Variants in LRMDA observed in about 807,000 individuals in gnomAD.
The protein encoded by LRMDA is leucine rich melanocyte differentiation associated, also known as leucine-rich melanocyte differentiation-associated protein.
In LRMDA, 18 loss-of-function variants were observed where a neutral mutation model predicts 29.8. The ratio of observed to expected loss-of-function variants is 0.60; its 90% confidence interval spans 0.42 to 0.90. The LOEUF (loss-of-function observed/expected upper bound fraction) is 0.90. LRMDA is among the 40% of genes least tolerant of loss of function. LRMDA has a pLI of 0.00. For missense variants in LRMDA, 273 were observed against 273.9 expected, an observed-to-expected ratio of 1.00 and a Z score of 0.02; for synonymous variants, 125 against 109.4, an observed-to-expected ratio of 1.14 and a Z score of -0.89.
chr10:76,466,706 G>C (rs907337811), intron 6 of LRMDA, among the ~76,000 whole-genome samples: 11 of 152,122 alleles, frequency 7.2e-5, no homozygotes, highest in Non-Finnish European at 2.9e-5. Flanking sequence ...AGAGGCAAGA[G>C]AATTGAGCCT....
intron 6 of LRMDA, among the ~76,000 whole-genome samples, chr10:76,520,741 G>A (rs1843110185): frequency 6.6e-6 from 1 of 152,076 alleles, no homozygotes; most frequent in Non-Finnish European, 1.5e-5. Context: ...TCCTGCTTCA[G>A]GCCATGCACA....
At chr10:76,050,674 G>A (rs1291320957) in intron 4 of LRMDA, among the ~76,000 whole-genome samples, 4 of 152,204 alleles carry the variant, frequency 2.6e-5, no homozygotes, top group Non-Finnish European at 5.9e-5. Flanking sequence ...GACTTGGCCG[G>A]AGAGACCACC....
chr10:76,014,870 C>A (rs889210526), intron 2 of LRMDA, among the ~76,000 whole-genome samples: 3 of 152,208 alleles, frequency 2.0e-5, no homozygotes, highest in Non-Finnish European at 4.4e-5. Flanking sequence ...GAGTGGCCAA[C>A]TATTAGAAGG....
chr10:76,309,256 G>A (rs1229030896), intron 5 of LRMDA, among the ~76,000 whole-genome samples: 1 of 152,132 alleles, frequency 6.6e-6, no homozygotes, highest in Admixed American at 6.5e-5. Context: ...CTGACAGCAG[G>A]CACCTTTCTG....
At chr10:76,354,995 C>A (rs539135023) in intron 6 of LRMDA, among the ~76,000 whole-genome samples, 1 of 152,070 alleles carries the variant, frequency 6.6e-6, no homozygotes, top group Non-Finnish European at 1.5e-5. Context: ...TTCTCTGAAA[C>A]GAAATTTTCA....
chr10:76,244,648 T>C lies in LRMDA; in HGVS notation c.517-79753T>C, dbSNP rs377040576. Among the ~76,000 whole-genome samples, 6 of 152,202 alleles carry C rather than the reference T, an allele frequency of 3.9e-5. No homozygotes were observed. The East Asian group carries it at 7.7e-4, about 20-fold the overall frequency. On this transcript the variant is annotated intron_variant, in intron 5 of 6. Coordinates refer to ENST00000611255, the MANE Select transcript of LRMDA (RefSeq NM_001305581.2). Reference sequence around the variant, plus strand: ...AGGTCTCAGGGTACATTCCCAGCCATGGAGAAGAGACAACACATGGGAGGG... The same window carrying C: ...AGGTCTCAGGGTACATTCCCAGCCACGGAGAAGAGACAACACATGGGAGGG...
intron 6 of LRMDA, among the ~76,000 whole-genome samples, chr10:76,509,780 C>T (rs993884816): frequency 2.0e-5 from 3 of 152,146 alleles, no homozygotes; most frequent in Non-Finnish European, 4.4e-5. Flanking sequence ...GTAAGTACAA[C>T]ACTCAGGTCA....
intron 2 of LRMDA, among the ~76,000 whole-genome samples, chr10:75,687,908 A>AACAAAGTG (rs1213082671): frequency 1.3e-5 from 2 of 152,374 alleles, no homozygotes; most frequent in Admixed American, 6.5e-5. Context: ...TGAATGGAAC[A>AACAAAGTG]ACAAAGTGTA....
chr10:76,389,017 C>T (rs1841692306), intron 6 of LRMDA, among the ~76,000 whole-genome samples: 1 of 152,074 alleles, frequency 6.6e-6, no homozygotes, highest in Non-Finnish European at 1.5e-5. Context: ...AACCCTGACA[C>T]AGGACAGGGA....
At chr10:76,327,281 C>G (rs562363894) in intron 6 of LRMDA, among the ~76,000 whole-genome samples, 2 of 151,944 alleles carry the variant, frequency 1.3e-5, no homozygotes, top group Non-Finnish European at 2.9e-5. Context: ...TTAGTAGAGA[C>G]AGGGTTTCAC....
chr10:76,132,834 G>A (rs1196561539), intron 5 of LRMDA, among the ~76,000 whole-genome samples: 1 of 151,588 alleles, frequency 6.6e-6, no homozygotes, highest in Non-Finnish European at 1.5e-5. Flanking sequence ...TCAGAGTTTC[G>A]CTCTGTTGAC....
chr10:75,575,579 C>T (rs2132072986), intron 2 of LRMDA, among the ~76,000 whole-genome samples: 1 of 152,340 alleles, frequency 6.6e-6, no homozygotes, highest in South Asian at 2.1e-4. Flanking sequence ...TCTTAAAGCT[C>T]AGGATGGCCA....
chr10:76,472,603 A>G (rs1016965121), intron 6 of LRMDA, among the ~76,000 whole-genome samples: 5 of 151,624 alleles, frequency 3.3e-5, no homozygotes, highest in Non-Finnish European at 7.4e-5. Context: ...TAATAAACCC[A>G]AAAGTTTTTC....
intron 5 of LRMDA, among the ~76,000 whole-genome samples, chr10:76,094,957 A>C (rs538668609): frequency 6.6e-6 from 1 of 152,284 alleles, no homozygotes; most frequent in South Asian, 2.1e-4. Context: ...ATTGAGATAG[A>C]ATCTATTGAA....
intron 5 of LRMDA, among the ~76,000 whole-genome samples, chr10:76,129,052 C>G (rs1294732144): frequency 6.6e-6 from 1 of 152,096 alleles, no homozygotes; most frequent in Non-Finnish European, 1.5e-5. Flanking sequence ...TCAGCATCTC[C>G]CACTCCTCAT....
chr10:75,484,033 G>A (rs1844882446), intron 2 of LRMDA, among the ~76,000 whole-genome samples: 1 of 152,018 alleles, frequency 6.6e-6, no homozygotes, highest in Admixed American at 6.6e-5. Context: ...ATGGCTCGCT[G>A]CAACCTCTGC....
At chr10:76,034,315 A>G (rs947371563) in intron 2 of LRMDA, among the ~76,000 whole-genome samples, 2 of 152,208 alleles carry the variant, frequency 1.3e-5, no homozygotes, top group Admixed American at 6.5e-5. Context: ...CCAGCCCTTC[A>G]AGCATTTATC....
At chr10:76,413,372 T>C (rs2201031) in intron 6 of LRMDA, among the ~76,000 whole-genome samples, 126,278 of 152,114 alleles carry the variant, frequency 0.83, 53,660 homozygotes, top group Non-Finnish European at 0.94. Flanking sequence ...GTCACCGTTC[T>C]ACCTGGCTGG....
chr10:76,201,763 T>C (rs184721294), intron 5 of LRMDA, among the ~76,000 whole-genome samples: 1 of 152,364 alleles, frequency 6.6e-6, no homozygotes, highest in Admixed American at 6.5e-5. Context: ...ATGTTTCTGC[T>C]GAGAGCTTCA....
Sources: gnomAD v4.1 joint callset for allele counts (sites outside exome capture counted in the v4.1 genomes callset) on GRCh38, gnomAD v4.1.1 for gene constraint, MANE v1.5 for transcripts, NCBI Gene and HGNC (gene_info 2026-07-23, HGNC 2026-07-21) for gene names.